The following EYA2 variants were observed in gnomAD, a reference collection of about 807,000 sequenced individuals.
EYA2 encodes the protein EYA transcriptional coactivator and phosphatase 2.
A neutral mutation model predicts 69.2 loss-of-function variants in EYA2; 31 were observed. The observed-to-expected ratio is 0.45, with a 90% confidence interval of 0.34 to 0.60. EYA2 has a LOEUF of 0.60. Ranked by LOEUF, EYA2 falls within the 20% of genes least tolerant of loss-of-function variation. The pLI is 0.02. For missense variants in EYA2, 622 were observed against 701.2 expected, an observed-to-expected ratio of 0.89 and a Z score of 1.28; for synonymous variants, 257 against 279.4, an observed-to-expected ratio of 0.92 and a Z score of 0.80.
chr20:47,003,697 C>T (rs1184109462), intron 3 of EYA2, among the ~76,000 whole-genome samples: 1 of 152,220 alleles, frequency 6.6e-6, no homozygotes, highest in Non-Finnish European at 1.5e-5. Flanking sequence ...GCCCCTGGGC[C>T]ACCATTTTGC....
chr20:47,085,892 ATTTG>A (rs982854628), intron 7 of EYA2, among the ~76,000 whole-genome samples: 2 of 152,168 alleles, frequency 1.3e-5, no homozygotes, highest in African/African-American at 2.4e-5. Flanking sequence ...GGGGTGCTGG[ATTTG>A]TTTATTATGT....
intron 7 of EYA2, among the ~76,000 whole-genome samples, chr20:47,082,080 TC>T (rs935556501): frequency 1.3e-5 from 2 of 152,006 alleles, no homozygotes; most frequent in Non-Finnish European, 2.9e-5. Context: ...CCTCAGGTGA[TC>T]CACCTGCCTC....
intron 5 of EYA2, among the ~76,000 whole-genome samples, chr20:47,050,308 AAC>A (rs1473040142): frequency 6.6e-6 from 1 of 152,166 alleles, no homozygotes; most frequent in African/African-American, 2.4e-5. Context: ...ATATAAAACA[AAC>A]ACAAAATATT....
At chr20:46,959,690 C>T (rs1266323712) in intron 1 of EYA2, among the ~76,000 whole-genome samples, 1 of 152,198 alleles carries the variant, frequency 6.6e-6, no homozygotes, top group Non-Finnish European at 1.5e-5. Flanking sequence ...TCAATTGCTC[C>T]CCATCTGGCT....
chr20:46,943,139 C>T (rs1419590360), intron 1 of EYA2, among the ~76,000 whole-genome samples: 1 of 152,192 alleles, frequency 6.6e-6, no homozygotes, highest in African/African-American at 2.4e-5. Context: ...GGACATTTGA[C>T]AGCATCTGTA....
intron 5 of EYA2, among the ~76,000 whole-genome samples, chr20:47,033,379 G>C (rs1984528047): frequency 6.6e-6 from 1 of 152,182 alleles, no homozygotes; most frequent in Non-Finnish European, 1.5e-5. Flanking sequence ...AATGCACTGT[G>C]AACATTGTTA....
At chr20:47,084,515 T>C (rs551861853) in intron 7 of EYA2, among the ~76,000 whole-genome samples, 2 of 152,144 alleles carry the variant, frequency 1.3e-5, no homozygotes, top group Non-Finnish European at 2.9e-5. Context: ...CACTTCAGCC[T>C]GACAGAGTGA....
intron 5 of EYA2, among the ~76,000 whole-genome samples, chr20:47,053,825 G>T (rs2030464243): frequency 6.6e-6 from 1 of 151,886 alleles, no homozygotes; most frequent in South Asian, 2.1e-4. Flanking sequence ...GAATACGTGG[G>T]CTAAAATTTC....
intron 12 of EYA2, among the ~76,000 whole-genome samples, chr20:47,179,035 T>C (rs1324723497): frequency 6.6e-6 from 1 of 152,080 alleles, no homozygotes; most frequent in Non-Finnish European, 1.5e-5. Context: ...AGCAGAGCCC[T>C]GCACATAAGC....
chr20:47,007,792 AT>A (rs1238892460), intron 4 of EYA2, among the ~76,000 whole-genome samples: 2 of 150,476 alleles, frequency 1.3e-5, no homozygotes, highest in Non-Finnish European at 3.0e-5. Context: ...ATTTTTTTTT[AT>A]TTTTTTGTAG....
intron 8 of EYA2, among the ~76,000 whole-genome samples, chr20:47,094,990 G>A (rs1486148413): frequency 2.0e-5 from 3 of 151,770 alleles, no homozygotes; most frequent in African/African-American, 4.8e-5. Flanking sequence ...TGATGATTAC[G>A]CCACTGCACA....
intron 9 of EYA2, 96 bp downstream of exon 9, chr20:47,097,264 A>T: frequency 2.2e-6 from 2 of 926,458 alleles, no homozygotes; most frequent in Non-Finnish European, 3.3e-6. Flanking sequence ...TTTATGAGGC[A>T]GCTTCTCCAA....
At chr20:47,128,529 GA>G (rs559492759) in intron 9 of EYA2, among the ~76,000 whole-genome samples, 203 of 142,048 alleles carry the variant, frequency 1.4e-3, no homozygotes, top group Middle Eastern at 3.6e-3. Flanking sequence ...AGGCATTTAC[GA>G]AAAAAAAAAA....
In EYA2 at chr20:46,999,007, G is replaced by A. The variant is rs1332672088; in HGVS notation, c.110-2421G>A. 4.6e-5 allele frequency among the ~76,000 whole-genome samples: 7 copies of A among 152,124 alleles called. 1 individual carries two copies. Among genetic ancestry groups the A allele is most frequent in the Non-Finnish European group, 1.5e-5 (1 of 68,034 alleles). On this transcript the variant is annotated intron_variant, in intron 2 of 15. Coordinates refer to ENST00000327619, the MANE Select transcript of EYA2 (RefSeq NM_005244.5). ...ACCTGTCTGCTGGGGAAGGCAGGTT[G>A]CTCAATTCAGAGGAACTGGGTGGAA...
At chr20:47,140,042 A>T (rs116838664) in intron 9 of EYA2, among the ~76,000 whole-genome samples, 2,371 of 152,288 alleles carry the variant, frequency 0.016, 62 homozygotes, top group African/African-American at 0.054. Context: ...AACTTTCAGA[A>T]TAAATCCTTT....
At chr20:46,966,313 C>T (rs1979778210) in intron 1 of EYA2, among the ~76,000 whole-genome samples, 1 of 152,074 alleles carries the variant, frequency 6.6e-6, no homozygotes, top group South Asian at 2.1e-4. Context: ...GTTAATTCAG[C>T]AAAATACTAT....
At chr20:46,895,694 G>T (rs1417107195) in intron 1 of EYA2, among the ~76,000 whole-genome samples, 1 of 152,222 alleles carries the variant, frequency 6.6e-6, no homozygotes, top group Non-Finnish European at 1.5e-5. Context: ...TTTTAGTCAT[G>T]AAGTCTGGAG....
At chr20:47,014,018 T>C (rs1187311893) in intron 4 of EYA2, among the ~76,000 whole-genome samples, 6 of 152,178 alleles carry the variant, frequency 3.9e-5, no homozygotes, top group Non-Finnish European at 8.8e-5. Context: ...TCCCACATCT[T>C]TAAAATGAAG....
At chr20:46,942,300 T>C (rs780652173) in intron 1 of EYA2, among the ~76,000 whole-genome samples, 38 of 152,130 alleles carry the variant, frequency 2.5e-4, no homozygotes, top group Non-Finnish European at 5.3e-4. Flanking sequence ...CTTGACCTCC[T>C]GGGCTTAAGT....
Sources: gnomAD v4.1 joint callset for allele counts (sites outside exome capture counted in the v4.1 genomes callset) on GRCh38, gnomAD v4.1.1 for gene constraint, MANE v1.5 for transcripts, NCBI Gene and HGNC (gene_info 2026-07-23, HGNC 2026-07-21) for gene names.